THOC2: variants seen among roughly 807,000 people sequenced by gnomAD.
THOC2 encodes the protein THO complex 2.
A neutral mutation model predicts 128.4 loss-of-function variants in THOC2; 10 were observed. The ratio of observed to expected loss-of-function variants is 0.08; its 90% CI spans 0.05 to 0.13. THOC2 has a LOEUF of 0.13. Among genes scored for constraint, THOC2 ranks in the 10% least tolerant of loss-of-function variants. The pLI is 1.00. For missense variants in THOC2, 535 were observed against 1,155.7 expected (o/e 0.46, Z 7.79); for synonymous variants, 393 against 396.9 (o/e 0.99, Z 0.12).
At chrX:123,686,754 T>C in intron 7 of THOC2, 40 bp from the exon 8 acceptor site, 3 of 1,011,957 alleles carry the variant, frequency 3.0e-6, no homozygotes, top group Non-Finnish European at 4.0e-6. Flanking sequence ...AAAATGATTA[T>C]ACATCATTTC....
At chrX:123,623,427 G>A in intron 28 of THOC2, 144 bp from the exon 29 acceptor site, 4 of 680,542 alleles carry the variant, frequency 5.9e-6, no homozygotes, top group Non-Finnish European at 8.3e-6. Flanking sequence ...ATAAGTTCTT[G>A]AAGGTTTTTA....
intron 2 of THOC2, 134 bp downstream of exon 2, chrX:123,712,716 T>A (rs1417825766): frequency 4.2e-5 from 17 of 402,921 alleles, no homozygotes; most frequent in Non-Finnish European, 6.3e-5. Flanking sequence ...ATCCTGACTA[T>A]AATATAACCA....
At chrX:123,717,439 CAA>C (rs2051474789) in intron 1 of THOC2, among the ~76,000 whole-genome samples, 1 of 110,085 alleles carries the variant, frequency 9.1e-6, no homozygotes, top group South Asian at 3.7e-4. Flanking sequence ...ATAATAGCTA[CAA>C]AAATAAAATA....
In THOC2 at chrX:123,614,109, C is replaced by T; in HGVS notation, c.4392G>A (p.Arg1464=). ...EMDKKDLDKS[R]ERSREREKKD... ...TTTTCTCTCTTTCTCTGGATCTTTC[C>T]CTTGACTTGTCCAAATCTTTCTTGT... Residue 1464 remains arginine, a synonymous_variant, in exon 34 of 39, where the codon AGG becomes AGA. Coordinates refer to ENST00000245838, the MANE Select transcript of THOC2 (RefSeq NM_001081550.2). 1 of 1,206,293 alleles carries T rather than the reference C, an allele frequency of 8.3e-7. No individual in the cohort carries two copies. The highest frequency in any genetic ancestry group is 1.1e-6 in the Non-Finnish European group (1 of 892,038).
intron 1 of THOC2, among the ~76,000 whole-genome samples, chrX:123,723,866 C>T (rs186572361): frequency 2.5e-3 from 282 of 111,538 alleles, no homozygotes; most frequent in Non-Finnish European, 4.7e-3. Flanking sequence ...ATAATGTTTA[C>T]TACATGAGAG....
Position 123,623,917 on chromosome X carries a change from T to C in THOC2, c.3373A>G (p.Ile1125Val). 8.3e-7 allele frequency: 1 copy of C among 1,209,819 alleles called. No individual in the cohort carries two copies. Among genetic ancestry groups the C allele is most frequent in the Non-Finnish European group, 1.1e-6 (1 of 894,849 alleles). Residue 1125 changes from isoleucine to valine, a missense_variant, in exon 28 of 39, where the codon ATT (isoleucine) becomes GTT (valine). Physicochemically the swap from Ile to Val is conservative, Grantham distance 29. Transcript: ENST00000245838. ...CAAGGAAGTATTTTTGTTAGCACAA[T>C]CAAGATATTCCTGATGTGAGTATAT... ...GEYTHIRNIL[I>V]VLTKILPWYP... is the part of the protein sequence containing the mutation.
intron 9 of THOC2, among the ~76,000 whole-genome samples, chrX:123,669,033 A>G (rs2049156346): frequency 9.0e-6 from 1 of 111,433 alleles, no homozygotes; most frequent in Non-Finnish European, 1.9e-5. Flanking sequence ...AGTCACTATG[A>G]TAAGCTATAA....
intron 33 of THOC2, among the ~76,000 whole-genome samples, chrX:123,618,910 G>C (rs2046988225): frequency 9.0e-6 from 1 of 111,401 alleles, no homozygotes; most frequent in African/African-American, 3.3e-5. Context: ...TACCAAAAAG[G>C]TACCTCAGCA....
At chrX:123,636,890 CAGAAAAGTAA>C (rs760641028) in intron 18 of THOC2, among the ~76,000 whole-genome samples, 2 of 111,855 alleles carry the variant, frequency 1.8e-5, no homozygotes, top group Non-Finnish European at 3.8e-5. Flanking sequence ...GTGGAAGATA[CAGAAAAGTAA>C]ACAAATAACT....
At chrX:123,732,851 G>A in intron 1 of THOC2, 101 bp downstream of exon 1, 1 of 910,345 alleles carries the variant, frequency 1.1e-6, no homozygotes, top group Admixed American at 2.2e-5. Context: ...GGGTGGGGGA[G>A]GGGGTACATC....
chrX:123,706,253 T>C (rs2050921053), intron 3 of THOC2, among the ~76,000 whole-genome samples: 1 of 112,315 alleles, frequency 8.9e-6, no homozygotes, highest in Non-Finnish European at 1.9e-5. Context: ...TTTTAAAATA[T>C]ATTTAATTTC....
intron 4 of THOC2, among the ~76,000 whole-genome samples, chrX:123,699,189 A>G (rs1443785841): frequency 8.9e-6 from 1 of 112,180 alleles, no homozygotes; most frequent in East Asian, 2.8e-4. Context: ...AATATGCTAT[A>G]AAGAGAAGCA....
intron 10 of THOC2, among the ~76,000 whole-genome samples, 200 bp downstream of exon 10, chrX:123,667,959 G>GA (rs926879690): frequency 9.1e-6 from 1 of 109,599 alleles, no homozygotes; most frequent in Non-Finnish European, 1.9e-5. Flanking sequence ...ATTTATACAA[G>GA]AAAAAAAATA....
chrX:123,728,268 G>C (rs1418215253), intron 1 of THOC2, among the ~76,000 whole-genome samples: 1 of 110,403 alleles, frequency 9.1e-6, no homozygotes, highest in Non-Finnish European at 1.9e-5. Context: ...AACAGGAGTT[G>C]CCGCACTTAC....
At chrX:123,710,891 G>T (rs1251133439) in intron 2 of THOC2, among the ~76,000 whole-genome samples, 1 of 104,084 alleles carries the variant, frequency 9.6e-6, no homozygotes, top group East Asian at 3.2e-4. Context: ...TCGGGAGGCT[G>T]AGGCAGGAGA....
rs568912701 is a variant in THOC2 at position 123,666,427 on chromosome X, G to A, written c.1191-590C>T. Among the ~76,000 whole-genome samples the A allele has an allele frequency of 4.5e-5, 5 of 110,961 alleles. No individual in the cohort carries two copies. In the Admixed American group the frequency reaches 4.8e-4, roughly 11 times the overall value. ...AGGTGCCCCACTGTGGAGTCACAGGGGTCACTCTCTAAGAAGCCTGCATGG... is the reference window on the plus strand; with the variant it reads ...AGGTGCCCCACTGTGGAGTCACAGGAGTCACTCTCTAAGAAGCCTGCATGG... On this transcript the variant is annotated intron_variant, in intron 11 of 38. Coordinates refer to ENST00000245838, the MANE Select transcript of THOC2 (RefSeq NM_001081550.2).
At chrX:123,676,690 A>G (rs1006661257) in intron 8 of THOC2, among the ~76,000 whole-genome samples, 12 of 111,377 alleles carry the variant, frequency 1.1e-4, no homozygotes, top group African/African-American at 3.9e-4. Flanking sequence ...TTTTGCAACA[A>G]TATTAGCCTC....
chrX:123,677,178 T>C (rs1230623953), intron 8 of THOC2, among the ~76,000 whole-genome samples: 2 of 111,461 alleles, frequency 1.8e-5, no homozygotes, highest in Non-Finnish European at 3.8e-5. Context: ...TATCTAAACC[T>C]ATCTAAACAC....
intron 1 of THOC2, 85 bp from the exon 2 acceptor site, chrX:123,712,993 TAA>T: frequency 1.7e-6 from 1 of 604,459 alleles, no homozygotes; most frequent in East Asian, 3.6e-5. Flanking sequence ...AACTGGCAAG[TAA>T]AAAAAAATTT....
Sources: gnomAD v4.1 joint callset for allele counts (sites outside exome capture counted in the v4.1 genomes callset) on GRCh38, gnomAD v4.1.1 for gene constraint, MANE v1.5 for transcripts, NCBI Gene and HGNC (gene_info 2026-07-23, HGNC 2026-07-21) for gene names.